Variants in SF3B3 observed in about 807,000 individuals in gnomAD.
The protein encoded by SF3B3 is splicing factor 3b subunit 3, also known as SAP 130.
A neutral mutation model predicts 139.2 loss-of-function variants in SF3B3; 33 were observed. The observed-to-expected ratio is 0.24, with a 90% CI of 0.18 to 0.32. SF3B3 has a LOEUF of 0.32. SF3B3 is among the 10% of genes least tolerant of loss of function. The pLI, the probability that SF3B3 is intolerant of heterozygous loss-of-function variation, is 1.00. For synonymous variants in SF3B3, 596 were observed against 563.6 expected (o/e 1.06, Z -0.81); for missense variants, 818 against 1,509.4 (o/e 0.54, Z 7.59).
intron 6 of SF3B3, 27 bp from the exon 7 acceptor site, chr16:70,538,296 C>A: frequency 6.2e-7 from 1 of 1,606,996 alleles, no homozygotes; most frequent in Non-Finnish European, 8.5e-7. Flanking sequence ...ATTTCTAAGA[C>A]ATTGATTGTG....
chr16:70,524,226 T>A, intron 1 of SF3B3, among the ~76,000 whole-genome samples: 1 of 152,042 alleles, frequency 6.6e-6, no homozygotes, highest in Non-Finnish European at 1.5e-5. Context: ...CATGGATGTC[T>A]CCCTCTGGGT....
chr16:70,561,101 A>T (rs931062116), intron 16 of SF3B3, among the ~76,000 whole-genome samples: 2 of 151,874 alleles, frequency 1.3e-5, no homozygotes, highest in Non-Finnish European at 1.5e-5. Flanking sequence ...GCTCACTGCA[A>T]CCTCCGCCTC....
rs764524409 is a variant in SF3B3 at position 70,565,348 on chromosome 16, G to T, written c.2670-20G>T. The T allele has an allele frequency of 6.2e-7, 1 of 1,614,010 alleles. No homozygotes were observed. The highest frequency in any genetic ancestry group is 1.1e-5 in the South Asian group (1 of 91,084). ...GAGTTTTGACTAAGGCCTTACTCTT[G>T]CTTCTTATTCTGTGTGTAGTGTGGC... On this transcript the variant is annotated intron_variant, in intron 19 of 25. Transcript: ENST00000302516.
At chr16:70,571,262 T>C (rs915398558) in intron 25 of SF3B3, 63 bp downstream of exon 25, 33 of 1,215,120 alleles carry the variant, frequency 2.7e-5, no homozygotes, top group Non-Finnish European at 3.7e-5. Flanking sequence ...AGGGAGTGGA[T>C]TGATGGGAAT....
chr16:70,565,305 C>T, intron 19 of SF3B3, 35 bp downstream of exon 19: 1 of 1,613,428 alleles, frequency 6.2e-7, no homozygotes, highest in Non-Finnish European at 8.5e-7. Context: ...GTTTGGCAGG[C>T]TGGAACAGGA....
At chr16:70,567,578 C>T (rs2050488660) in intron 21 of SF3B3, 42 bp downstream of exon 21, 1 of 1,590,796 alleles carries the variant, frequency 6.3e-7, no homozygotes, top group Middle Eastern at 1.7e-4. Context: ...GCTCATGTGT[C>T]AAGGGTGGGG....
At chr16:70,538,285 C>T in intron 6 of SF3B3, 38 bp from the exon 7 acceptor site, 1 of 1,590,930 alleles carries the variant, frequency 6.3e-7, no homozygotes, top group Non-Finnish European at 8.6e-7. Context: ...AAGAAGTACC[C>T]ATTTCTAAGA....
intron 1 of SF3B3, among the ~76,000 whole-genome samples, chr16:70,525,605 TC>T (rs1473211184): frequency 7.9e-5 from 12 of 152,068 alleles, no homozygotes; most frequent in African/African-American, 2.9e-4. Context: ...GTTTCTCCAC[TC>T]CCTGGTCTTT....
At chr16:70,570,552 G>C (rs566624081) in intron 24 of SF3B3, among the ~76,000 whole-genome samples, 1 of 152,004 alleles carries the variant, frequency 6.6e-6, no homozygotes, top group Admixed American at 6.6e-5. Context: ...GGGTGGTCTC[G>C]ATCTCTTGAC....
intron 3 of SF3B3, among the ~76,000 whole-genome samples, chr16:70,530,492 TG>T (rs1387137899): frequency 2.0e-5 from 3 of 151,918 alleles, no homozygotes; most frequent in African/African-American, 7.3e-5. Context: ...GCTAATTTTT[TG>T]TATTTAGTAG....
At chr16:70,538,511 G>T (rs376301585) in intron 7 of SF3B3, 51 bp downstream of exon 7, 180 of 1,473,240 alleles carry the variant, frequency 1.2e-4, no homozygotes, top group Non-Finnish European at 1.6e-4. Context: ...GATGAGATAG[G>T]CAAGACAGGT....
At chr16:70,567,956 GT>G (rs2151795101) in intron 21 of SF3B3, among the ~76,000 whole-genome samples, 1 of 152,336 alleles carries the variant, frequency 6.6e-6, no homozygotes, top group South Asian at 2.1e-4. Flanking sequence ...AAAGTCCTGG[GT>G]TTACAGGCGT....
rs562218824 is a variant in SF3B3 at position 70,538,926 on chromosome 16, A to G, written c.964-178A>G. On this transcript the variant is annotated intron_variant, in intron 7 of 25. Coordinates refer to ENST00000302516, the MANE Select transcript of SF3B3 (RefSeq NM_012426.5). ...GTCTCAATTACTCAACTCTGCCATTATAGTACAAGACAGCCACAGCCAGTA... is the reference window on the plus strand; with the variant it reads ...GTCTCAATTACTCAACTCTGCCATTGTAGTACAAGACAGCCACAGCCAGTA... Among the ~76,000 whole-genome samples the G allele has an allele frequency of 3.7e-4, 57 of 152,314 alleles. No individual in the cohort carries two copies. In the South Asian group the frequency reaches 9.1e-3, roughly 24 times the overall value.
Position 70,564,943 on chromosome 16 carries a change from A to G in SF3B3, c.2464-122A>G, listed in dbSNP as rs987330029. 1.2e-4 allele frequency: 99 copies of G among 804,396 alleles called. No homozygotes were observed. The East Asian group carries it at 2.4e-3, about 19-fold the overall frequency. The allele number at this position is 804,396 out of a possible 1,614,324, so 49.8% of individuals were successfully genotyped here. A position where few individuals can be genotyped will look rare whatever the true frequency, so the allele number is the denominator to read the frequency against. ...GTCATGTCGGGAAATCCTGGCTGGG[A>G]TGGCTGACTTTGCTGCTTTATGTAT... On this transcript the variant is annotated intron_variant, in intron 18 of 25. Transcript: ENST00000302516.
chr16:70,538,842 A>G lies in SF3B3; in HGVS notation c.964-262A>G, dbSNP rs571688029. 1.1e-4 allele frequency among the ~76,000 whole-genome samples: 16 copies of G among 152,278 alleles called. No individual in the cohort carries two copies. The East Asian group carries it at 3.1e-3, about 29-fold the overall frequency. ...CTGTTTGGATCAGGAATTGGCAAAC[A>G]TTTTTTTGTAAAGGCCACATAGTAA... is the stretch of plus-strand genomic sequence containing the variant. On this transcript the variant is annotated intron_variant, in intron 7 of 25. Coordinates refer to ENST00000302516, the MANE Select transcript of SF3B3 (RefSeq NM_012426.5).
intron 20 of SF3B3, among the ~76,000 whole-genome samples, chr16:70,566,338 G>A (rs1471151275): frequency 6.6e-6 from 1 of 151,636 alleles, no homozygotes; most frequent in Non-Finnish European, 1.5e-5. Context: ...CGAGGTGGGC[G>A]GGTCACCTGA....
chr16:70,561,437 C>G (rs2050428154), intron 16 of SF3B3, 193 bp from the exon 17 acceptor site: 1 of 581,160 alleles, frequency 1.7e-6, no homozygotes, highest in Non-Finnish European at 3.0e-6. Flanking sequence ...GCTCGTAGCC[C>G]ATGCTTTTCA....
At chr16:70,568,519 G>T (rs1192305655) in intron 22 of SF3B3, 24 bp downstream of exon 22, 8 of 1,584,464 alleles carry the variant, frequency 5.0e-6, no homozygotes, top group Non-Finnish European at 6.9e-6. Flanking sequence ...GTTAACTTGG[G>T]TTACAGTGAT....
At chr16:70,539,036 T>C in intron 7 of SF3B3, 68 bp from the exon 8 acceptor site, 1 of 1,104,314 alleles carries the variant, frequency 9.1e-7, no homozygotes, top group Non-Finnish European at 1.4e-6. Context: ...CTACTCAGCC[T>C]GTGCTGTCTT....
Sources: gnomAD v4.1 joint callset for allele counts (sites outside exome capture counted in the v4.1 genomes callset) on GRCh38, gnomAD v4.1.1 for gene constraint, MANE v1.5 for transcripts, NCBI Gene and HGNC (gene_info 2026-07-23, HGNC 2026-07-21) for gene names.